MGA: variants seen among roughly 807,000 people sequenced by gnomAD.
MGA encodes the protein MAX gene-associated protein.
Under a neutral mutation model 261.1 loss-of-function variants are expected in MGA, and 40 were observed. The observed-to-expected ratio is 0.15, with a 90% confidence interval of 0.12 to 0.20. The LOEUF is 0.20. Ranked by LOEUF, MGA falls within the 10% of genes least tolerant of loss-of-function variation. MGA has a pLI of 1.00. For missense variants in MGA, 3,397 were observed against 3,630.5 expected (o/e 0.94, Z 1.65); for synonymous variants, 1,302 against 1,290.6 (o/e 1.01, Z -0.19).
Position 41,765,907 on chromosome 15 carries a change from C to T in MGA, c.7922-97C>T, listed in dbSNP as rs531428726. 7.8e-4 allele frequency: 802 copies of T among 1,024,892 alleles called. 1 individual carries two copies. The highest frequency in any genetic ancestry group is 9.3e-4 in the Non-Finnish European group (659 of 708,556). 63.5% of individuals were successfully genotyped at this position (1,024,892 alleles called of 1,614,324 possible). On this transcript the variant is annotated intron_variant, in intron 23 of 23. Transcript: ENST00000219905. ...AAAGTAGAGTGCTGAATTTAGACTA[C>T]AAATCCCTAAGATGGTTATATGATA...
chr15:41,656,339 CTCTCT>C (rs756457294), upstream of MGA, among the ~76,000 whole-genome samples: 2 of 43,458 alleles, frequency 4.6e-5, no homozygotes, highest in Non-Finnish European at 6.8e-5. Flanking sequence ...TCTCCCTCTC[CTCTCT>C]TCTCTCTCTC....
At chr15:41,762,460 G>GTTTTTTTTTTTTTTTTTT (rs1491528643) in intron 22 of MGA, 98 bp downstream of exon 22, 12 of 190,268 alleles carry the variant, frequency 6.3e-5, no homozygotes, top group African/African-American at 5.0e-4. Flanking sequence ...AGTTTTGTGT[G>GTTTTTTTTTTTTTTTTTT]GTTTTTTTTT....
At chr15:41,728,813 A>C (rs2061371021) in intron 10 of MGA, among the ~76,000 whole-genome samples, 1 of 152,216 alleles carries the variant, frequency 6.6e-6, no homozygotes, top group Admixed American at 6.5e-5. Context: ...AGCTGAATCT[A>C]ATATTTAAAA....
chr15:41,684,568 C>T, intron 2 of MGA: 1 of 310,138 alleles, frequency 3.2e-6, no homozygotes, highest in Non-Finnish European at 6.4e-6. Context: ...TTCAATTTCT[C>T]AGGAAGATGT....
At position 41,741,346 on chromosome 15, in the gene MGA, C is replaced by CAAAA. The variant is rs11389766; in HGVS notation, c.4585+1162_4585+1165dup. ...TGGTGACAGAGTGAGACTCCATCTC[C>CAAAA]AAAAAAAAAAAAAAAAAAAAAAGAA... On this transcript the variant is annotated intron_variant, in intron 14 of 23. Coordinates refer to ENST00000219905, the MANE Select transcript of MGA (RefSeq NM_001164273.2). 8.6e-4 allele frequency among the ~76,000 whole-genome samples: 62 copies of CAAAA among 72,176 alleles called. 1 individual carries two copies. The highest frequency in any genetic ancestry group is 1.9e-3 in the African/African-American group (33 of 17,186). 47.4% of individuals were successfully genotyped at this position (72,176 alleles called of 152,430 possible).
chr15:41,635,523 C>CA (rs879607775), intron 1 of MGA, among the ~76,000 whole-genome samples: 2 of 151,828 alleles, frequency 1.3e-5, no homozygotes, highest in East Asian at 2.0e-4. Context: ...AGACCCCCCC[C>CA]CTCCTATAAA....
intron 1 of MGA, among the ~76,000 whole-genome samples, chr15:41,627,761 A>G (rs2056490343): frequency 6.6e-6 from 1 of 152,234 alleles, no homozygotes; most frequent in Non-Finnish European, 1.5e-5. Flanking sequence ...CTAATTGTAG[A>G]AAGGAATTAA....
chr15:41,660,847 C>G (rs779490498), intron 1 of MGA, among the ~76,000 whole-genome samples: 16 of 152,222 alleles, frequency 1.1e-4, no homozygotes, highest in Non-Finnish European at 1.6e-4. Context: ...GCCCTGCCCT[C>G]GCGTGTGTGG....
rs147277110 is a variant in MGA, at chr15:41,722,481, A to G, written c.3431-4699A>G. Among the ~76,000 whole-genome samples the G allele has an allele frequency of 2.4e-4, 36 of 152,240 alleles. 1 individual carries two copies. Among genetic ancestry groups the G allele is most frequent in the East Asian group, 1.9e-3 (10 of 5,188 alleles). On this transcript the variant is annotated intron_variant, in intron 9 of 23. Transcript: ENST00000219905. ...TTTAGGTGTTATACTTTGACATTCA[A>G]AAAAGGAAAGCAAAGAGGTAGCTAT...
intron 1 of MGA, among the ~76,000 whole-genome samples, chr15:41,666,371 T>G (rs1004013236): frequency 9.2e-5 from 14 of 152,352 alleles, no homozygotes; most frequent in African/African-American, 3.4e-4. Context: ...ACATGTTCTT[T>G]TTCATTCTTT....
At chr15:41,633,869 G>A (rs1248040940) in intron 1 of MGA, among the ~76,000 whole-genome samples, 2 of 152,068 alleles carry the variant, frequency 1.3e-5, no homozygotes, top group Admixed American at 6.6e-5. Context: ...TCCTTACAAC[G>A]GCCTTTAAGG....
intron 9 of MGA, among the ~76,000 whole-genome samples, chr15:41,721,560 G>GA (rs2060939272): frequency 6.6e-6 from 1 of 152,142 alleles, no homozygotes; most frequent in South Asian, 2.1e-4. Flanking sequence ...CACTCCTGTA[G>GA]AAAAAATGAG....
At chr15:41,644,884 A>G (rs1233412778) in intron 1 of MGA, among the ~76,000 whole-genome samples, 1 of 152,220 alleles carries the variant, frequency 6.6e-6, no homozygotes, top group Non-Finnish European at 1.5e-5. Context: ...TTTTCTGTAG[A>G]GGGCCACATA....
chr15:41,649,664 C>T lies in MGA; in HGVS notation c.-67-19164C>T, dbSNP rs531464343. On this transcript the variant is annotated intron_variant, in intron 1 of 8. Coordinates refer to the MGA transcript ENST00000566718. ...TCTAGTCTTATTGTCATCTTCCACA[C>T]CATCTTGTTTGTTTGTTTGTTTGTT... Among the ~76,000 whole-genome samples the T allele has an allele frequency of 2.0e-5, 3 of 151,976 alleles. No individual in the cohort carries two copies. In the East Asian group the frequency reaches 5.8e-4, roughly 29 times the overall value.
In MGA at chr15:41,698,858, T is replaced by C. The variant is rs763572018; in HGVS notation, c.2014-5T>C. On this transcript the variant is annotated splice_polypyrimidine_tract_variant and splice_region_variant and intron_variant, in intron 3 of 23. Transcript: ENST00000219905. The stretch of plus-strand genomic sequence containing the variant: ...CTACTATTTTTTTTTTTTTTTGATG[T>C]ATAGGAAGCTCTAGACATTCATGCA... 1.1e-5 allele frequency: 17 copies of C among 1,522,490 alleles called. No homozygotes were observed. In the South Asian group the frequency reaches 2.0e-4, roughly 18 times the overall value. The allele number at this position is 1,522,490 out of a possible 1,614,324, so 94.3% of individuals were successfully genotyped here. A position where few individuals can be genotyped will look rare whatever the true frequency, so the allele number is the denominator to read the frequency against.
At position 41,766,758 on chromosome 15, in the gene MGA, G is replaced by T. The variant is rs760215938; in HGVS notation, c.8676G>T (p.Gly2892=). The T allele has an allele frequency of 6.2e-7, 1 of 1,613,824 alleles. No homozygotes were observed. Among genetic ancestry groups the T allele is most frequent in the African/African-American group, 1.3e-5 (1 of 74,892 alleles). ...TGAAAGAGTTGCCTGATGTTCAAGG[G>T]GAGAGTGACTCTATCAGTCCCCTCC... is the stretch of plus-strand genomic sequence containing the variant. Residue 2892 remains glycine (G), a synonymous_variant, in exon 24 of 24, where the codon GGG becomes GGT. Transcript: ENST00000219905.
intron 14 of MGA, among the ~76,000 whole-genome samples, chr15:41,741,295 C>T (rs554813104): frequency 3.1e-5 from 4 of 129,682 alleles, no homozygotes; most frequent in Non-Finnish European, 4.6e-5. Flanking sequence ...TGCAGTAATC[C>T]GAAATCGTGC....
intron 13 of MGA, among the ~76,000 whole-genome samples, chr15:41,737,871 T>G (rs973718710): frequency 6.6e-6 from 1 of 151,424 alleles, no homozygotes; most frequent in Non-Finnish European, 1.5e-5. Context: ...TCCCAGCTTC[T>G]TGAGAGGCTG....
chr15:41,630,823 A>G (rs1467556796), intron 1 of MGA, among the ~76,000 whole-genome samples: 2 of 152,198 alleles, frequency 1.3e-5, no homozygotes, highest in Non-Finnish European at 2.9e-5. Flanking sequence ...AATGTAATAA[A>G]TCCAGTAGAA....
Sources: gnomAD v4.1 joint callset for allele counts (sites outside exome capture counted in the v4.1 genomes callset) on GRCh38, gnomAD v4.1.1 for gene constraint, MANE v1.5 for transcripts, NCBI Gene and HGNC (gene_info 2026-07-23, HGNC 2026-07-21) for gene names.